The following DLGAP2 variants were observed in gnomAD, a reference collection of about 807,000 sequenced individuals.
DLGAP2 encodes the protein disks large-associated protein 2.
A neutral mutation model predicts 100.3 loss-of-function variants in DLGAP2; 26 were observed. The observed-to-expected ratio is 0.26, with a 90% CI of 0.19 to 0.36. The LOEUF is 0.36. Ranked by LOEUF, DLGAP2 falls within the 10% of genes least tolerant of loss-of-function variation. The pLI, the probability that DLGAP2 is intolerant of heterozygous loss-of-function variation, is 1.00. For synonymous variants in DLGAP2, 886 were observed against 630.1 expected, an observed-to-expected ratio of 1.41 and a Z score of -6.08; for missense variants, 1,858 against 1,453.2, an observed-to-expected ratio of 1.28 and a Z score of -4.53.
chr8:1,548,566 C>A, intron 4 of DLGAP2, 60 bp from the exon 5 acceptor site: 2 of 1,414,344 alleles, frequency 1.4e-6, no homozygotes, highest in Non-Finnish European at 1.9e-6. Flanking sequence ...ACATATTCCC[C>A]GCACCTGAGG....
intron 2 of DLGAP2, among the ~76,000 whole-genome samples, chr8:1,206,655 G>A (rs1369967144): frequency 6.6e-6 from 1 of 151,934 alleles, no homozygotes; most frequent in Non-Finnish European, 1.5e-5. Flanking sequence ...GCCATCCGTG[G>A]ACTGGGGTAG....
chr8:771,357 T>C (rs1821354892), intron 1 of DLGAP2, among the ~76,000 whole-genome samples: 1 of 152,324 alleles, frequency 6.6e-6, no homozygotes, highest in Non-Finnish European at 1.5e-5. Context: ...ATACGTTTCA[T>C]AGAGTTATTA....
intron 2 of DLGAP2, among the ~76,000 whole-genome samples, chr8:1,071,778 G>A (rs1803437482): frequency 6.6e-6 from 1 of 152,338 alleles, no homozygotes; most frequent in South Asian, 2.1e-4. Flanking sequence ...TGTCAGTGAA[G>A]TGAATATGTG....
chr8:1,661,751 A>G (rs962191881), intron 8 of DLGAP2, among the ~76,000 whole-genome samples: 4 of 152,206 alleles, frequency 2.6e-5, no homozygotes, highest in African/African-American at 9.6e-5. Context: ...TTAGAAAGGA[A>G]CTCAGATAAG....
At chr8:1,692,783 C>T (rs896951319) in intron 13 of DLGAP2, among the ~76,000 whole-genome samples, 3 of 151,894 alleles carry the variant, frequency 2.0e-5, no homozygotes, top group Admixed American at 6.6e-5. Context: ...ATGATTAATA[C>T]AGTTGACGTT....
chr8:1,186,593 TG>T (rs886448402), intron 2 of DLGAP2, among the ~76,000 whole-genome samples: 27 of 151,868 alleles, frequency 1.8e-4, no homozygotes, highest in African/African-American at 6.5e-4. Context: ...GTCATGGAGG[TG>T]GGGGGTGCGG....
intron 2 of DLGAP2, among the ~76,000 whole-genome samples, chr8:1,180,771 C>CT (rs1435004388): frequency 6.6e-6 from 1 of 151,642 alleles, no homozygotes; most frequent in African/African-American, 2.4e-5. Flanking sequence ...AGTACAGTTA[C>CT]TGTCGAGTGT....
chr8:1,392,450 C>A (rs7017965), intron 3 of DLGAP2, among the ~76,000 whole-genome samples: 2 of 151,910 alleles, frequency 1.3e-5, no homozygotes, highest in Admixed American at 6.6e-5. Context: ...GAGGCAAACC[C>A]GTTCCGCTGA....
chr8:1,494,042 CG>C (rs372804379), intron 3 of DLGAP2, among the ~76,000 whole-genome samples: 199 of 98,202 alleles, frequency 2.0e-3, no homozygotes, highest in African/African-American at 6.3e-3. Context: ...CATTCTGCAT[CG>C]GGGGGGGCAG....
intron 2 of DLGAP2, among the ~76,000 whole-genome samples, chr8:974,641 A>G (rs1024044340): frequency 6.6e-6 from 1 of 152,232 alleles, no homozygotes; most frequent in Non-Finnish European, 1.5e-5. Context: ...ACATACTTCT[A>G]AATAACACAT....
At chr8:1,017,613 C>T (rs77554795) in intron 2 of DLGAP2, among the ~76,000 whole-genome samples, 2,928 of 114,170 alleles carry the variant, frequency 0.026, no homozygotes, top group Non-Finnish European at 0.037. Context: ...GGACAGACGG[C>T]GCCTCCACTG....
At chr8:1,033,825 C>T (rs1483597449) in intron 2 of DLGAP2, among the ~76,000 whole-genome samples, 3 of 144,590 alleles carry the variant, frequency 2.1e-5, no homozygotes, top group African/African-American at 5.3e-5. Context: ...AGTGGATTCA[C>T]ACGCTCATCC....
At chr8:1,606,753 G>A (rs1267308268) in intron 6 of DLGAP2, among the ~76,000 whole-genome samples, 3 of 152,142 alleles carry the variant, frequency 2.0e-5, no homozygotes, top group Admixed American at 2.0e-4. Context: ...CACAATCTCG[G>A]CTCACTACAA....
chr8:846,650 A>G (rs1797076359), intron 1 of DLGAP2, among the ~76,000 whole-genome samples: 1 of 152,206 alleles, frequency 6.6e-6, no homozygotes. Flanking sequence ...GATAATACCC[A>G]GTAGCAGGAT....
intron 3 of DLGAP2, among the ~76,000 whole-genome samples, chr8:1,336,686 G>T (rs1801282983): frequency 6.6e-6 from 1 of 152,168 alleles, no homozygotes. Context: ...TCTTGCTTCT[G>T]TTGAGCCACT....
chr8:1,125,479 A>G (rs1796143676), intron 2 of DLGAP2, among the ~76,000 whole-genome samples: 1 of 152,200 alleles, frequency 6.6e-6, no homozygotes, highest in Non-Finnish European at 1.5e-5. Flanking sequence ...ATATTCCTAG[A>G]TTGTGTTTGA....
chr8:808,632 C>G (rs553099397), intron 1 of DLGAP2, among the ~76,000 whole-genome samples: 4 of 152,102 alleles, frequency 2.6e-5, no homozygotes, highest in Admixed American at 2.6e-4. Flanking sequence ...GGAGGGCGGC[C>G]GCTGTCCGAG....
intron 2 of DLGAP2, among the ~76,000 whole-genome samples, chr8:946,456 G>T (rs569915398): frequency 6.6e-6 from 1 of 151,896 alleles, no homozygotes; most frequent in African/African-American, 2.4e-5. Context: ...GTAGAGACGG[G>T]GTTTCACCAT....
At chr8:918,204 G>A (rs948829042) in intron 2 of DLGAP2, among the ~76,000 whole-genome samples, 5 of 152,180 alleles carry the variant, frequency 3.3e-5, no homozygotes, top group African/African-American at 1.2e-4. Context: ...GGAGACTGGG[G>A]CATGGAAATG....
Sources: allele counts gnomAD v4.1 joint callset (sites outside exome capture counted in the v4.1 genomes callset), GRCh38; gene constraint gnomAD v4.1.1; transcripts MANE v1.5; gene names NCBI Gene and HGNC (gene_info 2026-07-23, HGNC 2026-07-21).